Variants in ZFPM2 observed in about 807,000 individuals in gnomAD.
The protein encoded by ZFPM2 is zinc finger protein, FOG family member 2.
Under a neutral mutation model 98.6 loss-of-function variants are expected in ZFPM2, and 20 were observed. That is an observed-to-expected ratio of 0.20 (90% CI 0.14 to 0.29). ZFPM2 has a LOEUF of 0.29. ZFPM2 is among the 10% of genes least tolerant of loss of function. The pLI is 1.00. For synonymous variants in ZFPM2, 518 were observed against 502.7 expected, an observed-to-expected ratio of 1.03 and a Z score of -0.41; for missense variants, 1,310 against 1,388.6, an observed-to-expected ratio of 0.94 and a Z score of 0.90.
intron 5 of ZFPM2, among the ~76,000 whole-genome samples, chr8:105,759,630 AT>A (rs1363734685): frequency 1.3e-5 from 2 of 150,176 alleles, no homozygotes; most frequent in Non-Finnish European, 3.0e-5. Context: ...GTGTGTATTC[AT>A]TATTCAAATG....
intron 3 of ZFPM2, among the ~76,000 whole-genome samples, chr8:105,522,696 G>A (rs531519140): frequency 6.6e-6 from 1 of 152,044 alleles, no homozygotes; most frequent in East Asian, 1.9e-4. Flanking sequence ...GCTTGAACCC[G>A]GGAGGTGGAG....
At chr8:105,514,307 C>CT (rs56955237) in intron 3 of ZFPM2, among the ~76,000 whole-genome samples, 3,240 of 126,990 alleles carry the variant, frequency 0.026, 138 homozygotes, top group African/African-American at 0.071. Flanking sequence ...CTGGTCGTGT[C>CT]TTTTTTTTTT....
chr8:105,388,763 T>A (rs7832418), intron 1 of ZFPM2, among the ~76,000 whole-genome samples: 82,952 of 151,968 alleles, frequency 0.55, 22,803 homozygotes, highest in Middle Eastern at 0.6. Flanking sequence ...CTCAGGGAAG[T>A]TAACAGCTTC....
chr8:105,377,606 C>A (rs13258909), intron 1 of ZFPM2, among the ~76,000 whole-genome samples: 102,101 of 104,816 alleles, frequency 0.97, 49,705 homozygotes, highest in East Asian at 1. Context: ...TCTTAAAAAT[C>A]CAAAAAAAAA....
intron 4 of ZFPM2, among the ~76,000 whole-genome samples, chr8:105,613,212 G>C (rs1816341929): frequency 6.6e-6 from 1 of 152,150 alleles, no homozygotes; most frequent in Non-Finnish European, 1.5e-5. Flanking sequence ...AATGATGACT[G>C]AGGCTTGTAA....
In ZFPM2 at chr8:105,798,736, C is replaced by T; in HGVS notation, c.752C>T (p.Pro251Leu). 6.2e-7 allele frequency: 1 copy of T among 1,613,458 alleles called. No individual in the cohort carries two copies. The change falls in exon 7 of 8, where the codon CCT becomes CTT. Residue 251 changes from proline (P) to leucine (L), a missense_variant. Physicochemically the swap from Pro to Leu is moderately conservative, Grantham distance 98 (BLOSUM62 -3). Coordinates refer to ENST00000407775, the MANE Select transcript of ZFPM2 (RefSeq NM_012082.4). ...PTAIVNKDIFPCKSCGIWYRS... is the reference protein window; with the variant it reads ...PTAIVNKDIFLCKSCGIWYRS... ...TTTTTACCTGCAGAGGATATATTCC[C>T]TTGCAAGTCCTGTGGCATCTGGTAT... is the stretch of plus-strand genomic sequence containing the variant.
In ZFPM2 at chr8:105,651,821, C is replaced by G. The variant is rs571593027; in HGVS notation, c.532+17464C>G. ...TCAACAGAATAAACTCTAGTGTTAC[C>G]TGATTGAGTTTCAGAAATTACTCAT... On this transcript the variant is annotated intron_variant, in intron 5 of 7. Coordinates refer to ENST00000407775, the MANE Select transcript of ZFPM2 (RefSeq NM_012082.4). 2.6e-5 allele frequency among the ~76,000 whole-genome samples: 4 copies of G among 152,216 alleles called. No individual in the cohort carries two copies. The South Asian group carries it at 8.3e-4, about 32-fold the overall frequency.
intron 5 of ZFPM2, among the ~76,000 whole-genome samples, chr8:105,639,012 C>T (rs1816901519): frequency 6.6e-6 from 1 of 151,950 alleles, no homozygotes; most frequent in Non-Finnish European, 1.5e-5. Context: ...CTGTTTTTTG[C>T]CATTATTCTC....
intron 5 of ZFPM2, among the ~76,000 whole-genome samples, chr8:105,704,357 C>A (rs1443090487): frequency 6.6e-6 from 1 of 152,174 alleles, no homozygotes; most frequent in Non-Finnish European, 1.5e-5. Context: ...AAGACTGACG[C>A]TGTCTGAAAT....
chr8:105,632,725 T>C (rs1440566998), intron 4 of ZFPM2, among the ~76,000 whole-genome samples: 1 of 152,216 alleles, frequency 6.6e-6, no homozygotes, highest in Non-Finnish European at 1.5e-5. Flanking sequence ...TTACATCTTT[T>C]TCGCAAGGCT....
At chr8:105,416,254 A>G (rs1241983686) in intron 1 of ZFPM2, among the ~76,000 whole-genome samples, 2 of 151,688 alleles carry the variant, frequency 1.3e-5, no homozygotes, top group Non-Finnish European at 2.9e-5. Context: ...TCCCATGAGC[A>G]TTTCAATATA....
chr8:105,332,359 A>G (rs1339727003), intron 1 of ZFPM2, among the ~76,000 whole-genome samples: 2 of 151,762 alleles, frequency 1.3e-5, no homozygotes, highest in African/African-American at 2.4e-5. Flanking sequence ...TACAGTTGCT[A>G]GAAAAATACC....
chr8:105,799,871 C>T (rs1813949446), intron 7 of ZFPM2, among the ~76,000 whole-genome samples: 2 of 152,262 alleles, frequency 1.3e-5, no homozygotes, highest in South Asian at 4.1e-4. Flanking sequence ...GAGTTTTAAG[C>T]TACTGTTCTA....
At chr8:105,415,423 C>T (rs1373509484) in intron 1 of ZFPM2, among the ~76,000 whole-genome samples, 1 of 152,006 alleles carries the variant, frequency 6.6e-6, no homozygotes, top group Non-Finnish European at 1.5e-5. Context: ...CTCACACTTG[C>T]CTGCCAAGTG....
chr8:105,373,135 G>T (rs1810656825), intron 1 of ZFPM2, among the ~76,000 whole-genome samples: 1 of 152,122 alleles, frequency 6.6e-6, no homozygotes, highest in South Asian at 2.1e-4. Flanking sequence ...AATTGCCTTG[G>T]TCTTCTATTC....
chr8:105,713,060 A>T (rs1258346040), intron 5 of ZFPM2, among the ~76,000 whole-genome samples: 1 of 152,076 alleles, frequency 6.6e-6, no homozygotes, highest in Admixed American at 6.6e-5. Context: ...CAGTAATAGG[A>T]TTGCTGGGTT....
intron 5 of ZFPM2, among the ~76,000 whole-genome samples, chr8:105,752,488 C>A (rs940245310): frequency 1.3e-5 from 2 of 152,160 alleles, no homozygotes; most frequent in African/African-American, 4.8e-5. Context: ...TTGTCATAAA[C>A]AGGAAACAGT....
intron 1 of ZFPM2, among the ~76,000 whole-genome samples, chr8:105,377,105 C>A (rs866813411): frequency 1.3e-5 from 2 of 152,114 alleles, no homozygotes; most frequent in South Asian, 4.1e-4. Flanking sequence ...GTCTTGAATG[C>A]TCTTCCCCTG....
chr8:105,327,980 G>A (rs942812273), intron 1 of ZFPM2, among the ~76,000 whole-genome samples: 8 of 151,722 alleles, frequency 5.3e-5, no homozygotes, highest in African/African-American at 1.5e-4. Context: ...GCATTTGTGT[G>A]TGTGTGTTTT....
Sources: allele counts gnomAD v4.1 joint callset (sites outside exome capture counted in the v4.1 genomes callset), GRCh38; gene constraint gnomAD v4.1.1; transcripts MANE v1.5; gene names NCBI Gene and HGNC (gene_info 2026-07-23, HGNC 2026-07-21).